SCN3A: variants seen among roughly 807,000 people sequenced by gnomAD.
The protein encoded by SCN3A is sodium voltage-gated channel alpha subunit 3, also known as sodium channel protein type 3 subunit alpha.
A neutral mutation model predicts 187.6 loss-of-function variants in SCN3A; 60 were observed. That is an observed-to-expected ratio of 0.32 (90% CI 0.26 to 0.40). The LOEUF (loss-of-function observed/expected upper bound fraction) is 0.40, where lower values mean the gene tolerates loss of function less well. Among genes scored for constraint, SCN3A ranks in the 10% least tolerant of loss-of-function variants. The pLI is 1.00. For synonymous variants in SCN3A, 788 were observed against 829.2 expected (o/e 0.95, Z 0.85); for missense variants, 1,601 against 2,428.2 (o/e 0.66, Z 7.16).
intron 1 of SCN3A, among the ~76,000 whole-genome samples, chr2:165,190,562 A>T (rs1179501829): frequency 2.0e-5 from 3 of 146,682 alleles, no homozygotes; most frequent in Non-Finnish European, 4.5e-5. Flanking sequence ...ATAACTTTAT[A>T]TATAACTATA....
intron 18 of SCN3A, among the ~76,000 whole-genome samples, chr2:165,119,262 C>A (rs950815896): frequency 6.6e-6 from 1 of 152,160 alleles, no homozygotes; most frequent in Non-Finnish European, 1.5e-5. Flanking sequence ...CCCTAGGTCA[C>A]ATATTTATCA....
In SCN3A at chr2:165,148,975, C is replaced by T. The variant is rs185491925; in HGVS notation, c.1381-1946G>A. ...TACATATGAGGTACATAATATACAC[C>T]ATTTGTTGAAACAGTGAATATATAT... On this transcript the variant is annotated intron_variant, in intron 11 of 27. Coordinates refer to ENST00000283254, the MANE Select transcript of SCN3A (RefSeq NM_006922.4). Among the ~76,000 whole-genome samples the T allele has an allele frequency of 3.7e-4, 57 of 152,044 alleles. 1 individual carries two copies. Among genetic ancestry groups the T allele is most frequent in the African/African-American group, 1.3e-3 (52 of 41,464 alleles).
Position 165,137,958 on chromosome 2 carries a change from A to G in SCN3A, c.2312T>C (p.Val771Ala). The G allele has an allele frequency of 1.9e-6, 3 of 1,613,562 alleles. No homozygotes were observed. The highest frequency in any genetic ancestry group is 2.5e-6 in the Non-Finnish European group (3 of 1,179,566). ...FVDLAITICIVLNTLFMAMEH... is the reference protein window; with the variant it reads ...FVDLAITICIALNTLFMAMEH... ...CATGGCCATAAAGAGGGTATTTAAG[A>G]CAATGCAAATAGTGATGGCAAGATC... Residue 771 changes from valine to alanine, a missense_variant, in exon 15 of 28, where the codon GTC (valine) becomes GCC (alanine). Val to Ala is a moderately conservative substitution (Grantham distance 64, BLOSUM62 0). Transcript: ENST00000283254.
intron 21 of SCN3A, among the ~76,000 whole-genome samples, chr2:165,102,235 G>T (rs1414854758): frequency 6.6e-6 from 1 of 152,244 alleles, no homozygotes; most frequent in Non-Finnish European, 1.5e-5. Flanking sequence ...GTAAAACTGG[G>T]TGTGATGGCC....
At chr2:165,137,582 TC>T (rs1687743817) in intron 15 of SCN3A, among the ~76,000 whole-genome samples, 1 of 152,132 alleles carries the variant, frequency 6.6e-6, no homozygotes, top group African/African-American at 2.4e-5. Context: ...GTATTAGATC[TC>T]CTGGTTTATC....
At chr2:165,141,042 G>A (rs1687983496) in intron 12 of SCN3A, 44 bp from the exon 13 acceptor site, 2 of 1,279,060 alleles carry the variant, frequency 1.6e-6, no homozygotes, top group Non-Finnish European at 1.1e-6. Flanking sequence ...GGGGGTAGGG[G>A]AAGAACGCAA....
intron 2 of SCN3A, among the ~76,000 whole-genome samples, chr2:165,184,577 T>A (rs1383592548): frequency 6.7e-6 from 1 of 150,306 alleles, no homozygotes; most frequent in African/African-American, 2.4e-5. Context: ...AAAATTAGGA[T>A]AAATCAGCTA....
intron 9 of SCN3A, among the ~76,000 whole-genome samples, chr2:165,157,479 A>G (rs1319235404): frequency 6.6e-6 from 1 of 152,240 alleles, no homozygotes; most frequent in Admixed American, 6.5e-5. Flanking sequence ...TGTCACTGTC[A>G]TCACATCACA....
At chr2:165,124,230 T>G (rs1448798434) in intron 18 of SCN3A, among the ~76,000 whole-genome samples, 3 of 152,118 alleles carry the variant, frequency 2.0e-5, no homozygotes, top group Non-Finnish European at 2.9e-5. Flanking sequence ...GAGAGATTTA[T>G]ATCTTGTTAC....
In SCN3A at chr2:165,092,103, T is replaced by A; in HGVS notation, c.4807+151A>T. 1 of 778,580 alleles carries A rather than the reference T, an allele frequency of 1.3e-6. No individual in the cohort carries two copies. Among genetic ancestry groups the A allele is most frequent in the Non-Finnish European group, 2.2e-6 (1 of 464,500 alleles). The allele number at this position is 778,580 out of a possible 1,614,324, so 48.2% of individuals were successfully genotyped here. A position where few individuals can be genotyped will look rare whatever the true frequency, so the allele number is the denominator to read the frequency against. Reference sequence around the variant, plus strand: ...AGTTAGCTTTGTGAATAAACCCAGGTTTCAGAGTTTTTATTCAAATATGCT... The same window carrying A: ...AGTTAGCTTTGTGAATAAACCCAGGATTCAGAGTTTTTATTCAAATATGCT... On this transcript the variant is annotated intron_variant, in intron 27 of 27. Coordinates refer to ENST00000283254, the MANE Select transcript of SCN3A (RefSeq NM_006922.4). This position sits in a 1 kb window ranked among gnomAD's most constrained non-coding sequence, Gnocchi z 4.2.
intron 18 of SCN3A, among the ~76,000 whole-genome samples, chr2:165,123,783 A>G (rs1200498317): frequency 1.3e-5 from 2 of 152,198 alleles, no homozygotes; most frequent in African/African-American, 4.8e-5. Context: ...ATTTCAAATC[A>G]AAAATGCACT....
chr2:165,173,199 A>G (rs1235690859), intron 3 of SCN3A, among the ~76,000 whole-genome samples: 1 of 152,206 alleles, frequency 6.6e-6, no homozygotes, highest in African/African-American at 2.4e-5. Context: ...TTAGGACCAC[A>G]TCAATCAGAG....
chr2:165,188,600 C>A (rs900942254), intron 1 of SCN3A, among the ~76,000 whole-genome samples: 1 of 151,950 alleles, frequency 6.6e-6, no homozygotes, highest in Admixed American at 6.5e-5. Context: ...CCAGCCTGAC[C>A]AACATGGTGA....
At position 165,127,859 on chromosome 2, in the gene SCN3A, A is replaced by G. The variant is rs780928131; in HGVS notation, c.3165T>C (p.Ile1055=). ...GATAATTAAGCTCTTTGCTTATTTC[A>G]ATTCCAGTATTATTGGACATGCAGC... ...IDSCMSNNTG[I]EISKELNYLR... Residue 1055 remains isoleucine, a synonymous_variant, in exon 18 of 28, where the codon ATT becomes ATC. Transcript: ENST00000283254. The G allele has an allele frequency of 6.2e-7, 1 of 1,614,164 alleles. No individual in the cohort carries two copies. Among genetic ancestry groups the G allele is most frequent in the Non-Finnish European group, 8.5e-7 (1 of 1,180,018 alleles).
intron 2 of SCN3A, chr2:165,179,617 G>A (rs946770212): frequency 4.6e-5 from 7 of 152,168 alleles, no homozygotes; most frequent in African/African-American, 1.2e-4. Context: ...AAGTAAAAAC[G>A]TCTCGTTGAA....
intron 23 of SCN3A, 25 bp downstream of exon 23, chr2:165,097,227 C>A: frequency 1.2e-6 from 2 of 1,612,754 alleles, no homozygotes; most frequent in Non-Finnish European, 1.7e-6. Flanking sequence ...AAAACTTTTT[C>A]AAAACTCGTA....
At chr2:165,123,656 A>G (rs1686819635) in intron 18 of SCN3A, among the ~76,000 whole-genome samples, 1 of 152,190 alleles carries the variant, frequency 6.6e-6, no homozygotes, top group Non-Finnish European at 1.5e-5. Context: ...AACATGAACC[A>G]AAATGTCACT....
rs764726321 is a variant in SCN3A at position 165,154,545 on chromosome 2, C to G, written c.1287G>C (p.Glu429Asp). 6.2e-7 allele frequency: 1 copy of G among 1,614,120 alleles called. No homozygotes were observed. The highest frequency in any genetic ancestry group is 8.5e-7 in the Non-Finnish European group (1 of 1,180,014). Residue 429 changes from glutamate (E) to aspartate (D), a missense_variant, in exon 11 of 28, where the codon GAG becomes GAC. Coordinates refer to ENST00000283254, the MANE Select transcript of SCN3A (RefSeq NM_006922.4). Reference protein sequence around the residue: ...ILAVVAMAYEEQNQATLEEAE... With the variant: ...ILAVVAMAYEDQNQATLEEAE... ...CTTCTTCCAAGGTGGCCTGATTCTG[C>G]TCCTCATAGGCCATGGCCACCACAG...
rs1358543933 is a variant in SCN3A at position 165,092,854 on chromosome 2, C to G, written c.4537-330G>C. 2 of 277,200 alleles carry G rather than the reference C, an allele frequency of 7.2e-6. No homozygotes were observed. Among genetic ancestry groups the G allele is most frequent in the Non-Finnish European group, 1.4e-5 (2 of 145,280 alleles). 17.2% of individuals were successfully genotyped at this position (277,200 alleles called of 1,614,324 possible). ...GGAGGCTCTCTTGAGGCCAAGAGTT[C>G]CAGACCAGCCTGGGCAACATAGTGA... is the stretch of plus-strand genomic sequence containing the variant. On this transcript the variant is annotated intron_variant, in intron 26 of 27. Coordinates refer to ENST00000283254, the MANE Select transcript of SCN3A (RefSeq NM_006922.4). This position sits in a 1 kb window ranked among gnomAD's most constrained non-coding sequence, Gnocchi z 4.2.
Sources: gnomAD v4.1 joint callset for allele counts (sites outside exome capture counted in the v4.1 genomes callset) on GRCh38, gnomAD v4.1.1 for gene constraint, Gnocchi (gnomAD v3.1) non-coding constraint, MANE v1.5 for transcripts, NCBI Gene and HGNC (gene_info 2026-07-23, HGNC 2026-07-21) for gene names.